The following MTFMT variants were observed in gnomAD, a reference collection of about 807,000 sequenced individuals.
MTFMT encodes mitochondrial methionyl-tRNA formyltransferase.
MTFMT carries 47 observed loss-of-function variants against 51.8 expected under a neutral mutation model. The ratio of observed to expected loss-of-function variants is 0.91; its 90% CI spans 0.72 to 1.16. The LOEUF (loss-of-function observed/expected upper bound fraction) is 1.16, where lower values mean the gene tolerates loss of function less well. Among genes scored for constraint, MTFMT ranks in the 50% most tolerant of loss-of-function variants. MTFMT has a pLI of 0.00. For missense variants in MTFMT, 512 were observed against 482.3 expected (o/e 1.06, Z -0.58); for synonymous variants, 196 against 176.7 (o/e 1.11, Z -0.87).
chr15:65,021,902 G>A (rs1174213086), intron 3 of MTFMT, among the ~76,000 whole-genome samples: 2 of 152,122 alleles, frequency 1.3e-5, no homozygotes, highest in East Asian at 1.9e-4. Context: ...TTGAAAGACG[G>A]GAGAACAAAA....
intron 1 of MTFMT, among the ~76,000 whole-genome samples, chr15:65,028,872 A>T (rs2086452833): frequency 6.6e-6 from 1 of 152,206 alleles, no homozygotes; most frequent in Non-Finnish European, 1.5e-5. Context: ...TTCTTTTGAA[A>T]ACAGGTCGTT....
Position 65,003,105 on chromosome 15 carries a change from T to A in MTFMT, c.1127A>T (p.Lys376Met). 1.2e-6 allele frequency: 2 copies of A among 1,610,352 alleles called. No individual in the cohort carries two copies. The highest frequency in any genetic ancestry group is 2.2e-5 in the East Asian group (1 of 44,832). ...RFQTLRLPTK[K>M]KQKKTVAMQQ... Reference sequence around the variant, plus strand: ...CATAGCAACAGTTTTTTTCTGCTTCTTCTTTGTTGGAAGTCTGAGAGTCTG... The same window carrying A: ...CATAGCAACAGTTTTTTTCTGCTTCATCTTTGTTGGAAGTCTGAGAGTCTG... The change falls in exon 9 of 9, where the codon AAG becomes ATG. Residue 376 changes from lysine to methionine, a missense_variant. By Grantham distance (95) the Lys-to-Met change is moderately conservative (BLOSUM62 -1). Coordinates refer to ENST00000220058, the MANE Select transcript of MTFMT (RefSeq NM_139242.4).
In MTFMT at chr15:65,003,270, T is replaced by C. The variant is rs775021145; in HGVS notation, c.976-14A>G. 1 of 1,605,918 alleles carries C rather than the reference T, an allele frequency of 6.2e-7. No homozygotes were observed. The highest frequency in any genetic ancestry group is 2.2e-5 in the East Asian group (1 of 44,792). ...AATCCAACCATCCTAAAGGGCAAAA[T>C]ACAAATAGTGAATAGGCAGGGGTGG... On this transcript the variant is annotated splice_polypyrimidine_tract_variant and intron_variant, in intron 8 of 8. Coordinates refer to ENST00000220058, the MANE Select transcript of MTFMT (RefSeq NM_139242.4).
intron 3 of MTFMT, among the ~76,000 whole-genome samples, chr15:65,023,305 A>G (rs998198202): frequency 1.3e-5 from 2 of 152,204 alleles, no homozygotes; most frequent in African/African-American, 4.8e-5. Context: ...TTCAGGTTCC[A>G]AAAATTTTTT....
chr15:65,017,138 A>AAACAAATGACAAACTGAAT (rs1362719409), intron 5 of MTFMT, among the ~76,000 whole-genome samples: 17 of 152,198 alleles, frequency 1.1e-4, no homozygotes, highest in African/African-American at 4.1e-4. Flanking sequence ...TTAAATCAAA[A>AAACAAATGACAAACTGAAT]AACAAATGAC....
At chr15:65,016,926 G>A (rs1207003590) in intron 5 of MTFMT, among the ~76,000 whole-genome samples, 3 of 151,386 alleles carry the variant, frequency 2.0e-5, no homozygotes, top group Non-Finnish European at 2.9e-5. Flanking sequence ...GACTACAAGC[G>A]TGCACTACCA....
Position 65,002,902 on chromosome 15 carries a change from G to A in MTFMT, c.*160C>T, listed in dbSNP as rs2086187666. Reference sequence around the variant, plus strand: ...TGCTTGAACCTGGGAGGCGGAGGTTGCAGTGAGCTGAGATAGTGCCACTGG... The same window carrying A: ...TGCTTGAACCTGGGAGGCGGAGGTTACAGTGAGCTGAGATAGTGCCACTGG... On this transcript the variant is annotated 3_prime_UTR_variant, in exon 9 of 9. Transcript: ENST00000220058. 1 of 419,856 alleles carries A rather than the reference G, an allele frequency of 2.4e-6. No homozygotes were observed. The highest frequency in any genetic ancestry group is 4.3e-5 in the Admixed American group (1 of 23,212). The allele number at this position is 419,856 out of a possible 1,614,324, so 26.0% of individuals were successfully genotyped here.
chr15:65,025,131 A>G (rs749047851), intron 2 of MTFMT, among the ~76,000 whole-genome samples: 1 of 151,568 alleles, frequency 6.6e-6, no homozygotes, highest in Non-Finnish European at 1.5e-5. Flanking sequence ...ACAGTGGCTC[A>G]TGCCTGTAAT....
At chr15:65,027,598 T>C (rs996641283) in intron 1 of MTFMT, among the ~76,000 whole-genome samples, 2 of 152,270 alleles carry the variant, frequency 1.3e-5, no homozygotes, top group African/African-American at 4.8e-5. Context: ...GGATTTCCTG[T>C]GCATACAGAA....
rs768884218 is a variant in MTFMT at position 65,003,845 on chromosome 15, CAAAAAAAA to C, written c.976-597_976-590del. Among the ~76,000 whole-genome samples the C allele has an allele frequency of 2.5e-4, 10 of 40,648 alleles. No individual in the cohort carries two copies. In the South Asian group the frequency reaches 3.9e-3, roughly 16 times the overall value. 26.7% of individuals were successfully genotyped at this position (40,648 alleles called of 152,430 possible). On this transcript the variant is annotated intron_variant, in intron 8 of 8. Transcript: ENST00000220058. ...CACTCCAGCCTGGGCAACTCCATCTCAAAAAAAAAAAAAAAAAAAAAGGGAAATACATA... is the reference window on the plus strand; with the variant it reads ...CACTCCAGCCTGGGCAACTCCATCTCAAAAAAAAAAAAAGGGAAATACATA...
chr15:65,015,962 T>C (rs2086317901), intron 6 of MTFMT: 1 of 152,396 alleles, frequency 6.6e-6, no homozygotes, highest in South Asian at 2.1e-4. Flanking sequence ...AGAATTTAAC[T>C]CAGACATTTT....
rs566371827 is a variant in MTFMT, at chr15:65,007,456, T to C, written c.814-1265A>G. Among the ~76,000 whole-genome samples, 3 of 152,388 alleles carry C rather than the reference T, an allele frequency of 2.0e-5. No individual in the cohort carries two copies. The East Asian group carries it at 5.8e-4, about 29-fold the overall frequency. ...TTTATGAATATGTAATTTATGCAAC[T>C]ACCTTTATGATAGATATTTGTTATT... On this transcript the variant is annotated intron_variant, in intron 6 of 8. Coordinates refer to ENST00000220058, the MANE Select transcript of MTFMT (RefSeq NM_139242.4).
intron 6 of MTFMT, among the ~76,000 whole-genome samples, chr15:65,010,305 G>T (rs1331092676): frequency 6.6e-6 from 1 of 152,010 alleles, no homozygotes; most frequent in African/African-American, 2.4e-5. Flanking sequence ...TTCAACCAAT[G>T]TCACTCGTTT....
At chr15:65,020,351 C>A in intron 4 of MTFMT, 79 bp from the exon 5 acceptor site, 1 of 1,171,620 alleles carries the variant, frequency 8.5e-7, no homozygotes, top group Non-Finnish European at 1.2e-6. Context: ...CAATTCAGCA[C>A]CATGAAATAA....
intron 6 of MTFMT, among the ~76,000 whole-genome samples, chr15:65,011,649 A>G (rs1034312068): frequency 6.6e-6 from 1 of 151,842 alleles, no homozygotes; most frequent in Non-Finnish European, 1.5e-5. Flanking sequence ...GGTGTGCACC[A>G]TGATGCCCAG....
chr15:65,014,305 A>C (rs1472257351), intron 6 of MTFMT, among the ~76,000 whole-genome samples: 1 of 149,184 alleles, frequency 6.7e-6, no homozygotes, highest in African/African-American at 2.4e-5. Flanking sequence ...TCATCAAGGA[A>C]TTTATCACAC....
rs59049873 is a variant in MTFMT, at chr15:65,027,200, T to C, written c.210-160A>G. ...GAGACTGAGTTTTCATTTTTTCTTT[T>C]TCTTTTTTTTTTTTTGAGCTGGAGT... On this transcript the variant is annotated intron_variant, in intron 1 of 8. Coordinates refer to ENST00000220058, the MANE Select transcript of MTFMT (RefSeq NM_139242.4). 5.5e-3 allele frequency among the ~76,000 whole-genome samples: 838 copies of C among 151,894 alleles called. 11 individuals are homozygous for C. Among genetic ancestry groups the C allele is most frequent in the African/African-American group, 0.019 (798 of 41,386 alleles).
intron 5 of MTFMT, among the ~76,000 whole-genome samples, chr15:65,018,144 G>C (rs2140483034): frequency 6.7e-6 from 1 of 149,920 alleles, no homozygotes; most frequent in East Asian, 2.0e-4. Context: ...AATCATAAAA[G>C]AAAATAAAGC....
chr15:65,004,256 A>G (rs747407257), intron 8 of MTFMT, among the ~76,000 whole-genome samples: 48 of 152,068 alleles, frequency 3.2e-4, no homozygotes, highest in Non-Finnish European at 6.2e-4. Flanking sequence ...ACCTCAGGTG[A>G]TCCACCCGCC....
Sources: allele counts gnomAD v4.1 joint callset (sites outside exome capture counted in the v4.1 genomes callset), GRCh38; gene constraint gnomAD v4.1.1; transcripts MANE v1.5; gene names NCBI Gene and HGNC (gene_info 2026-07-23, HGNC 2026-07-21).